LGR5: variants seen among roughly 807,000 people sequenced by gnomAD.
LGR5 encodes the protein leucine-rich repeat-containing G protein-coupled receptor 5.
LGR5 carries 54 observed loss-of-function variants against 76.7 expected under a neutral mutation model. That is an observed-to-expected ratio of 0.70 (90% CI 0.57 to 0.88). LGR5 has a LOEUF of 0.88. LGR5 is among the 40% of genes least tolerant of loss of function. The pLI is 0.00. For synonymous variants in LGR5, 406 were observed against 421.9 expected, an observed-to-expected ratio of 0.96 and a Z score of 0.46; for missense variants, 1,078 against 1,073.3, an observed-to-expected ratio of 1.00 and a Z score of -0.06.
At chr12:71,570,467 A>G (rs1212754953) in intron 11 of LGR5, among the ~76,000 whole-genome samples, 1 of 152,144 alleles carries the variant, frequency 6.6e-6, no homozygotes, top group Non-Finnish European at 1.5e-5. Context: ...GCCTGCAGAG[A>G]TGAGTAAACC....
chr12:71,483,272 G>T (rs1873689663), intron 1 of LGR5, among the ~76,000 whole-genome samples: 1 of 152,100 alleles, frequency 6.6e-6, no homozygotes, highest in Non-Finnish European at 1.5e-5. Flanking sequence ...GTGGAATCTG[G>T]GGCTGGGAGA....
At chr12:71,450,662 C>T (rs1458050283) in intron 1 of LGR5, among the ~76,000 whole-genome samples, 1 of 152,124 alleles carries the variant, frequency 6.6e-6, no homozygotes, top group Non-Finnish European at 1.5e-5. Flanking sequence ...TCATTTATGA[C>T]TTTATTTGAT....
intron 1 of LGR5, among the ~76,000 whole-genome samples, chr12:71,496,397 G>A (rs12821411): frequency 1.4e-4 from 20 of 147,470 alleles, no homozygotes; most frequent in African/African-American, 5.1e-4. Flanking sequence ...AAAAAAGAGA[G>A]AGAGAGAGAA....
chr12:71,580,218 C>T, intron 15 of LGR5, 60 bp from the exon 16 acceptor site: 1 of 1,456,490 alleles, frequency 6.9e-7, no homozygotes, highest in Non-Finnish European at 9.3e-7. Flanking sequence ...AGAACATGAA[C>T]ACTATATTTA....
chr12:71,568,876 C>T (rs903377455), intron 11 of LGR5, among the ~76,000 whole-genome samples: 4 of 152,158 alleles, frequency 2.6e-5, no homozygotes, highest in Admixed American at 2.0e-4. Flanking sequence ...AATTATTTAG[C>T]CCATTCTGTA....
rs761384871 is a variant in LGR5 at position 71,440,208 on chromosome 12, A to G, written c.128A>G (p.Asp43Gly). 1.1e-5 allele frequency: 18 copies of G among 1,612,994 alleles called. No individual in the cohort carries two copies. Among genetic ancestry groups the G allele is most frequent in the Non-Finnish European group, 1.5e-5 (18 of 1,179,816 alleles). ...CCCACACACTGTCATTGCGAGCCCGACGGCAGGATGTTGCTCAGGGTGGAC... is the reference window on the plus strand; with the variant it reads ...CCCACACACTGTCATTGCGAGCCCGGCGGCAGGATGTTGCTCAGGGTGGAC... ...GCPTHCHCEP[D>G]GRMLLRVDCS... is the part of the protein sequence containing the mutation. Residue 43 changes from aspartate to glycine, a missense_variant, in exon 1 of 18, where the codon GAC (aspartate) becomes GGC (glycine). Transcript: ENST00000266674. The surrounding 1 kb of genome is among the most constrained non-coding windows in gnomAD (Gnocchi z 5.3).
chr12:71,519,493 GT>G (rs2137331867), intron 2 of LGR5, among the ~76,000 whole-genome samples: 1 of 152,064 alleles, frequency 6.6e-6, no homozygotes, highest in African/African-American at 2.4e-5. Flanking sequence ...CTGTATCACT[GT>G]CACCTAAAGT....
intron 7 of LGR5, 126 bp downstream of exon 7, chr12:71,559,780 A>C (rs1047996197): frequency 4.1e-5 from 22 of 539,810 alleles, no homozygotes; most frequent in Non-Finnish European, 6.9e-5. Flanking sequence ...ATAATGATAA[A>C]GTACACTTGA....
At chr12:71,485,985 C>T (rs931221577) in intron 1 of LGR5, among the ~76,000 whole-genome samples, 2 of 151,912 alleles carry the variant, frequency 1.3e-5, no homozygotes, top group South Asian at 2.1e-4. Flanking sequence ...AGGGTGGTCT[C>T]GAACTCCTGA....
chr12:71,466,216 A>G (rs987808041), intron 1 of LGR5, among the ~76,000 whole-genome samples: 12 of 152,246 alleles, frequency 7.9e-5, no homozygotes. Context: ...TACTAGCATA[A>G]TCCTTCTTTC....
At chr12:71,496,296 AGGAGGT>A (rs1490010458) in intron 1 of LGR5, among the ~76,000 whole-genome samples, 1 of 147,374 alleles carries the variant, frequency 6.8e-6, no homozygotes, top group Non-Finnish European at 1.5e-5. Flanking sequence ...ACTTGAACCC[AGGAGGT>A]GGAGGTTGCA....
rs545472281 is a variant in LGR5, at chr12:71,452,688, A to T, written c.212+12396A>T. 2.6e-5 allele frequency among the ~76,000 whole-genome samples: 4 copies of T among 152,364 alleles called. No homozygotes were observed. In the South Asian group the frequency reaches 8.3e-4, roughly 32 times the overall value. ...CCTAACAAACAGTAAAATAGTTGTT[A>T]CTATCAACATGAGAACATCTCTTGA... On this transcript the variant is annotated intron_variant, in intron 1 of 17. Transcript: ENST00000266674.
At chr12:71,537,191 A>AAC (rs1555172710) in intron 4 of LGR5, among the ~76,000 whole-genome samples, 2 of 151,980 alleles carry the variant, frequency 1.3e-5, no homozygotes, top group Non-Finnish European at 2.9e-5. Flanking sequence ...GTCAAAAAAA[A>AAC]AAAAAAAAGC....
chr12:71,457,337 G>A (rs1872523216), intron 1 of LGR5, among the ~76,000 whole-genome samples: 1 of 152,118 alleles, frequency 6.6e-6, no homozygotes, highest in Non-Finnish European at 1.5e-5. Context: ...TTTTACTGTT[G>A]CATTCTAATC....
intron 1 of LGR5, among the ~76,000 whole-genome samples, chr12:71,504,141 G>A (rs372930581): frequency 1.3e-5 from 2 of 150,886 alleles, no homozygotes; most frequent in African/African-American, 4.9e-5. Context: ...TTTTGTTGTT[G>A]TTGTTGTTTT....
intron 1 of LGR5, among the ~76,000 whole-genome samples, chr12:71,442,715 T>C (rs1226100228): frequency 6.6e-6 from 1 of 152,194 alleles, no homozygotes; most frequent in African/African-American, 2.4e-5. Flanking sequence ...GGGGGCTTTG[T>C]TGGTTTCTTA....
chr12:71,561,753 T>G (rs1192500996), intron 7 of LGR5, 28 bp from the exon 8 acceptor site: 1 of 1,439,282 alleles, frequency 6.9e-7, no homozygotes, highest in Non-Finnish European at 9.6e-7. Context: ...CCACACAGGA[T>G]TTTTTATAAT....
chr12:71,531,929 A>G (rs766696209), intron 3 of LGR5, among the ~76,000 whole-genome samples: 5 of 152,204 alleles, frequency 3.3e-5, no homozygotes, highest in African/African-American at 4.8e-5. Context: ...GAAGAAAGAT[A>G]TATAAAGCAG....
chr12:71,505,779 G>A (rs181758957), intron 2 of LGR5, among the ~76,000 whole-genome samples: 1 of 152,246 alleles, frequency 6.6e-6, no homozygotes, highest in African/African-American at 2.4e-5. Flanking sequence ...AAAATCAGTT[G>A]CATGTGATAA....
Sources: allele counts gnomAD v4.1 joint callset (sites outside exome capture counted in the v4.1 genomes callset), GRCh38; gene constraint gnomAD v4.1.1; non-coding constraint Gnocchi (gnomAD v3.1); transcripts MANE v1.5; gene names NCBI Gene and HGNC (gene_info 2026-07-23, HGNC 2026-07-21).